The following NECTIN3 variants were observed in gnomAD, a reference collection of about 807,000 sequenced individuals.
NECTIN3 encodes the protein nectin-3.
In NECTIN3, 8 loss-of-function variants were observed where a neutral mutation model predicts 49.4. The ratio of observed to expected loss-of-function variants is 0.16; its 90% confidence interval spans 0.10 to 0.29. The LOEUF is 0.29. Among genes scored for constraint, NECTIN3 ranks in the 10% least tolerant of loss-of-function variants. NECTIN3 has a pLI of 1.00. For synonymous variants in NECTIN3, 277 were observed against 241.1 expected (o/e 1.15, Z -1.38); for missense variants, 581 against 654.6 (o/e 0.89, Z 1.23).
chr3:111,073,374 G>T (rs1358591648), intron 1 of NECTIN3: 2 of 152,286 alleles, frequency 1.3e-5, no homozygotes, highest in East Asian at 3.9e-4. Flanking sequence ...GGTTATGAGG[G>T]AAGCAAAGTT....
intron 1 of NECTIN3, among the ~76,000 whole-genome samples, chr3:111,101,009 A>G (rs1489779789): frequency 2.6e-5 from 4 of 152,124 alleles, no homozygotes; most frequent in Non-Finnish European, 2.9e-5. Context: ...GGAGTTGGGA[A>G]GATAACTGTT....
Position 111,112,286 on chromosome 3 carries a change from A to G in NECTIN3, c.417A>G (p.Gly139=), listed in dbSNP as rs1463170458. Residue 139 remains glycine, a synonymous_variant, in exon 2 of 6, where the codon GGA becomes GGG. Transcript: ENST00000485303. The part of the protein sequence containing the change: ...NDATITLHNI[G]FSDSGKYICK... ...CAACAATTACTCTGCATAACATAGG[A>G]TTCTCTGATTCTGGAAAATACATCT... The G allele has an allele frequency of 6.2e-7, 1 of 1,613,794 alleles. No homozygotes were observed. The highest frequency in any genetic ancestry group is 1.7e-5 in the Admixed American group (1 of 59,930).
intron 7 of NECTIN3, among the ~76,000 whole-genome samples, chr3:111,151,267 G>C (rs1274534088): frequency 6.6e-6 from 1 of 151,800 alleles, no homozygotes; most frequent in Non-Finnish European, 1.5e-5. Context: ...AACAGGTTTT[G>C]AATGAGTAGG....
At chr3:111,138,654 G>A (rs1013314840), downstream of NECTIN3, among the ~76,000 whole-genome samples, 1 of 151,404 alleles carries the variant, frequency 6.6e-6, no homozygotes, top group African/African-American at 2.4e-5. Context: ...TTCAGTTTTG[G>A]GATATATCTT....
chr3:111,129,703 C>T (rs1239858241), intron 5 of NECTIN3, among the ~76,000 whole-genome samples: 1 of 151,452 alleles, frequency 6.6e-6, no homozygotes, highest in Non-Finnish European at 1.5e-5. Flanking sequence ...GGCTGGAGTA[C>T]AGTGGCACTA....
intron 1 of NECTIN3, among the ~76,000 whole-genome samples, chr3:111,081,860 A>G (rs1483040316): frequency 6.6e-6 from 1 of 152,174 alleles, no homozygotes; most frequent in African/African-American, 2.4e-5. Flanking sequence ...ATTTTTAAAT[A>G]CTTTGCTGAG....
chr3:111,191,721 C>T (rs1576191317), upstream of NECTIN3, among the ~76,000 whole-genome samples: 1 of 152,124 alleles, frequency 6.6e-6, no homozygotes, highest in South Asian at 2.1e-4. Flanking sequence ...TTACCTGATT[C>T]AAAATATCAG....
At chr3:111,193,137 T>C in intron 1 of NECTIN3, 2 of 1,397,068 alleles carry the variant, frequency 1.4e-6, no homozygotes, top group Non-Finnish European at 1.9e-6. Flanking sequence ...TTGCCTGTTT[T>C]TACCAGTGCT....
At chr3:111,156,886 T>G (rs1359685100) in intron 7 of NECTIN3, among the ~76,000 whole-genome samples, 1 of 152,158 alleles carries the variant, frequency 6.6e-6, no homozygotes, top group East Asian at 1.9e-4. Context: ...TCCACTTAGG[T>G]TTTTGTATAA....
At chr3:111,174,013 T>C (rs1486402275) in intron 7 of NECTIN3, among the ~76,000 whole-genome samples, 1 of 152,174 alleles carries the variant, frequency 6.6e-6, no homozygotes, top group Non-Finnish European at 1.5e-5. Flanking sequence ...CTCACTGTAT[T>C]GCTTTCACCT....
chr3:111,147,603 A>G (rs2034905897), intron 7 of NECTIN3: 3 of 860,818 alleles, frequency 3.5e-6, no homozygotes, highest in Non-Finnish European at 3.5e-6. Flanking sequence ...TTGTTTAGTC[A>G]TTATGCATTA....
Position 111,118,815 on chromosome 3 carries a change from C to T in NECTIN3, c.662C>T (p.Pro221Leu). Reference protein sequence around the residue: ...GEMESTTTSFPNETATIISQY... With the variant: ...GEMESTTTSFLNETATIISQY... ...ATGGAATCCACTACAACTTCTTTTC[C>T]AAATGAAACGGCAACGATTATCAGC... The change falls in exon 3 of 6, where the codon CCA (proline) becomes CTA (leucine). Residue 221 changes from proline to leucine, a missense_variant. Physicochemically the swap from Pro to Leu is moderately conservative, Grantham distance 98 (BLOSUM62 -3). Transcript: ENST00000485303. The T allele has an allele frequency of 6.2e-7, 1 of 1,614,004 alleles. No individual in the cohort carries two copies. The highest frequency in any genetic ancestry group is 8.5e-7 in the Non-Finnish European group (1 of 1,180,002).
downstream of NECTIN3, chr3:111,137,621 G>A (rs865946824): frequency 1.6e-4 from 63 of 384,730 alleles, no homozygotes; most frequent in Middle Eastern, 1.3e-3. Context: ...TTACTAAAGT[G>A]TGTGTGTATG....
Position 111,097,360 on chromosome 3 carries a change from G to A in NECTIN3, c.161-14670G>A, listed in dbSNP as rs375222415. Among the ~76,000 whole-genome samples, 264 of 152,260 alleles carry A rather than the reference G, an allele frequency of 1.7e-3. 2 individuals are homozygous for A. The highest frequency in any genetic ancestry group is 7.0e-3 in the South Asian group (34 of 4,826). On this transcript the variant is annotated intron_variant, in intron 1 of 5. Coordinates refer to ENST00000485303, the MANE Select transcript of NECTIN3 (RefSeq NM_015480.3). ...GACTTTACAGGCTCATAGGCAGAAG[G>A]GACTTGCCTTGTCTCGAATGAGACT... is the stretch of plus-strand genomic sequence containing the variant.
downstream of NECTIN3, among the ~76,000 whole-genome samples, chr3:111,138,475 A>G (rs560200691): frequency 1.6e-4 from 24 of 151,568 alleles, no homozygotes; most frequent in Non-Finnish European, 3.3e-4. Flanking sequence ...TGTAAAGTAC[A>G]TATATACTTT....
chr3:111,166,353 G>T (rs927863858), intron 7 of NECTIN3, among the ~76,000 whole-genome samples: 1 of 146,720 alleles, frequency 6.8e-6, no homozygotes, highest in Non-Finnish European at 1.5e-5. Context: ...ACAATGTTAT[G>T]TCCACCATGC....
intron 1 of NECTIN3, chr3:111,077,179 C>G (rs762876643): frequency 2.3e-5 from 10 of 431,922 alleles, no homozygotes; most frequent in African/African-American, 1.4e-4. Context: ...TACTTGTTTT[C>G]TTTAGTATGG....
At chr3:111,167,704 C>G (rs1000744383) in intron 7 of NECTIN3, among the ~76,000 whole-genome samples, 4 of 152,004 alleles carry the variant, frequency 2.6e-5, no homozygotes, top group Admixed American at 6.5e-5. Context: ...GGTGAGTGGT[C>G]TCCTTTGCTG....
rs1195047022 is a variant in NECTIN3, at chr3:111,135,911, T to G, written c.*1696T>G. The G allele has an allele frequency of 1.2e-6, 1 of 867,602 alleles. No individual in the cohort carries two copies. The highest frequency in any genetic ancestry group is 1.3e-4 in the East Asian group (1 of 7,634). The allele number at this position is 867,602 out of a possible 1,614,324, so 53.7% of individuals were successfully genotyped here. ...CTTATTATAAGGCTGTAGTATCAGG[T>G]TAAGGATACAGATAAATAAAGTTCA... On this transcript the variant is annotated 3_prime_UTR_variant, in exon 6 of 6. Transcript: ENST00000485303.
Sources: allele counts gnomAD v4.1 joint callset (sites outside exome capture counted in the v4.1 genomes callset), GRCh38; gene constraint gnomAD v4.1.1; transcripts MANE v1.5; gene names NCBI Gene and HGNC (gene_info 2026-07-23, HGNC 2026-07-21).